Variants in TCF12 observed in about 807,000 individuals in gnomAD.
The protein encoded by TCF12 is transcription factor 12.
In TCF12, 45 loss-of-function variants were observed where a neutral mutation model predicts 86.0. The observed-to-expected ratio is 0.52, with a 90% CI of 0.41 to 0.67. The LOEUF (loss-of-function observed/expected upper bound fraction) is 0.67, where lower values mean the gene tolerates loss of function less well. Among genes scored for constraint, TCF12 ranks in the 30% least tolerant of loss-of-function variants. The pLI, the probability that TCF12 is intolerant of heterozygous loss-of-function variation, is 0.00. For synonymous variants in TCF12, 330 were observed against 299.6 expected, an observed-to-expected ratio of 1.10 and a Z score of -1.05; for missense variants, 881 against 859.9, an observed-to-expected ratio of 1.02 and a Z score of -0.31.
intron 6 of TCF12, among the ~76,000 whole-genome samples, chr15:57,172,123 T>C (rs1052463757): frequency 1.3e-5 from 2 of 152,182 alleles, no homozygotes; most frequent in Non-Finnish European, 2.9e-5. Context: ...TTTCCTGTTA[T>C]ACCCAATCTC....
rs1483389982 is a variant in TCF12, at chr15:57,288,155, A to T, written c.*2010A>T. ...AAAAGTTTTCAGTAAAAAGTTTCTT[A>T]CTTTATTTTATTATATTAGGTAGTA... is the stretch of plus-strand genomic sequence containing the variant. On this transcript the variant is annotated 3_prime_UTR_variant, in exon 21 of 21. Coordinates refer to ENST00000333725, the MANE Select transcript of TCF12 (RefSeq NM_207037.2). The T allele has an allele frequency of 6.6e-6, 1 of 152,576 alleles. No homozygotes were observed. Among genetic ancestry groups the T allele is most frequent in the Non-Finnish European group, 1.5e-5 (1 of 68,016 alleles). 9.5% of individuals were successfully genotyped at this position (152,576 alleles called of 1,614,324 possible). A position where few individuals can be genotyped will look rare whatever the true frequency, so the allele number is the denominator to read the frequency against.
chr15:57,048,937 C>A (rs994870105), intron 3 of TCF12, among the ~76,000 whole-genome samples: 1 of 152,132 alleles, frequency 6.6e-6, no homozygotes, highest in Non-Finnish European at 1.5e-5. Flanking sequence ...CAATGGAGGG[C>A]TTCCAGCATT....
intron 3 of TCF12, among the ~76,000 whole-genome samples, chr15:57,048,239 T>G (rs1246916212): frequency 6.6e-6 from 1 of 151,038 alleles, no homozygotes; most frequent in Non-Finnish European, 1.5e-5. Flanking sequence ...CTGAAGTTTT[T>G]TTGTTTGTTT....
chr15:57,121,835 G>A (rs1398566718), intron 5 of TCF12, among the ~76,000 whole-genome samples: 1 of 152,094 alleles, frequency 6.6e-6, no homozygotes, highest in Non-Finnish European at 1.5e-5. Context: ...AAGGAATAAT[G>A]TTCATGGATA....
rs1338892755 is a variant in TCF12 at position 57,108,493 on chromosome 15, A to T, written c.325+16602A>T. On this transcript the variant is annotated intron_variant, in intron 5 of 20. Transcript: ENST00000333725. ...TCCCTTTTTCTCCCCTAAAATGATG[A>T]TTCTACTTAGGAAACTCTTACACAA... 2.6e-5 allele frequency among the ~76,000 whole-genome samples: 4 copies of T among 152,252 alleles called. No individual in the cohort carries two copies. The East Asian group carries it at 7.7e-4, about 29-fold the overall frequency.
chr15:57,106,798 G>A (rs1418413277), intron 5 of TCF12, among the ~76,000 whole-genome samples: 1 of 152,126 alleles, frequency 6.6e-6, no homozygotes, highest in East Asian at 1.9e-4. Context: ...ATAATAATAA[G>A]CCTATGAAGA....
chr15:57,095,531 G>A (rs2051240316), intron 5 of TCF12, among the ~76,000 whole-genome samples: 2 of 152,102 alleles, frequency 1.3e-5, no homozygotes, highest in Admixed American at 6.6e-5. Context: ...ACTTATTTTA[G>A]GATGTATGTA....
At position 57,170,737 on chromosome 15, in the gene TCF12, A is replaced by ATATTATATATAAC. The variant is rs1567559372; in HGVS notation, c.390+4271_390+4272insTATTATATATAAC. Among the ~76,000 whole-genome samples, 3 of 24,840 alleles carry ATATTATATATAAC rather than the reference A, an allele frequency of 1.2e-4. No individual in the cohort carries two copies. In the East Asian group the frequency reaches 2.7e-3, roughly 23 times the overall value. The allele number at this position is 24,840 out of a possible 152,430, so 16.3% of individuals were successfully genotyped here. A position where few individuals can be genotyped will look rare whatever the true frequency, so the allele number is the denominator to read the frequency against. ...AATATATATATTATATATTATATAT[A>ATATTATATATAAC]ATATATATTATATATTATATATTAT... On this transcript the variant is annotated intron_variant, in intron 6 of 20. Coordinates refer to ENST00000333725, the MANE Select transcript of TCF12 (RefSeq NM_207037.2).
chr15:57,248,798 G>C (rs189029745), intron 13 of TCF12, among the ~76,000 whole-genome samples: 1 of 152,162 alleles, frequency 6.6e-6, no homozygotes, highest in Non-Finnish European at 1.5e-5. Context: ...CCTTTGTACA[G>C]TTTTTTTAAT....
intron 5 of TCF12, among the ~76,000 whole-genome samples, chr15:57,157,065 T>G (rs1345882408): frequency 3.9e-5 from 6 of 152,176 alleles, no homozygotes; most frequent in African/African-American, 1.4e-4. Context: ...CCAAATTATT[T>G]GGTGATGTGA....
chr15:56,949,420 T>A (rs1371952509), intron 3 of TCF12, among the ~76,000 whole-genome samples: 2 of 152,204 alleles, frequency 1.3e-5, no homozygotes, highest in Admixed American at 1.3e-4. Flanking sequence ...ATGAAAATTA[T>A]AGATGTAAAA....
At chr15:57,044,765 A>G (rs998398476) in intron 3 of TCF12, among the ~76,000 whole-genome samples, 3 of 151,994 alleles carry the variant, frequency 2.0e-5, no homozygotes, top group Non-Finnish European at 2.9e-5. Flanking sequence ...GTAAGAATTC[A>G]TTATTTTCAA....
At chr15:57,279,957 G>C (rs373004070) in intron 19 of TCF12, among the ~76,000 whole-genome samples, 5 of 144,130 alleles carry the variant, frequency 3.5e-5, no homozygotes, top group African/African-American at 1.3e-4. Flanking sequence ...GCAGTGGCGC[G>C]ATTTCGGCTC....
At chr15:57,055,404 AAAT>A (rs1297232332) in intron 3 of TCF12, among the ~76,000 whole-genome samples, 2 of 152,120 alleles carry the variant, frequency 1.3e-5, no homozygotes, top group Non-Finnish European at 2.9e-5. Context: ...CTGTCTCAAA[AAAT>A]AATAATAATA....
chr15:57,103,850 C>A (rs1403027675), intron 5 of TCF12, among the ~76,000 whole-genome samples: 1 of 151,546 alleles, frequency 6.6e-6, no homozygotes, highest in Admixed American at 6.6e-5. Flanking sequence ...ACTAAAAATA[C>A]AAAAAAAATT....
chr15:57,240,053 A>G (rs1015673684), intron 12 of TCF12, among the ~76,000 whole-genome samples: 2 of 152,208 alleles, frequency 1.3e-5, no homozygotes, highest in Admixed American at 6.5e-5. Context: ...AACCTACATT[A>G]AGGGAAATGG....
chr15:57,096,591 A>G (rs1357646320), intron 5 of TCF12, among the ~76,000 whole-genome samples: 5 of 152,290 alleles, frequency 3.3e-5, no homozygotes, highest in East Asian at 3.9e-4. Flanking sequence ...TAAATCATCT[A>G]TAACTTACAT....
chr15:57,153,005 C>T (rs1186011903), intron 5 of TCF12, among the ~76,000 whole-genome samples: 2 of 152,092 alleles, frequency 1.3e-5, no homozygotes, highest in African/African-American at 4.8e-5. Flanking sequence ...GACTTCTCTT[C>T]AGAAACTTTG....
At chr15:57,075,765 T>C (rs1453325694) in intron 4 of TCF12, among the ~76,000 whole-genome samples, 1 of 51,822 alleles carries the variant, frequency 1.9e-5, no homozygotes, top group Non-Finnish European at 4.0e-5. Context: ...TTCTTTTCTT[T>C]CTTTCTTTCT....
Sources: allele counts gnomAD v4.1 joint callset (sites outside exome capture counted in the v4.1 genomes callset), GRCh38; gene constraint gnomAD v4.1.1; transcripts MANE v1.5; gene names NCBI Gene and HGNC (gene_info 2026-07-23, HGNC 2026-07-21).